The following ALK variants were observed in gnomAD, a reference collection of about 807,000 sequenced individuals.
ALK encodes the protein ALK tyrosine kinase receptor.
Under a neutral mutation model 163.1 loss-of-function variants are expected in ALK, and 74 were observed. That is an observed-to-expected ratio of 0.45 (90% CI 0.38 to 0.55). The LOEUF is 0.55. Ranked by LOEUF, ALK falls within the 20% of genes least tolerant of loss-of-function variation. The probability of loss-of-function intolerance (pLI) is 0.00; values close to 1 mark genes in which losing one functional copy is unlikely to be tolerated. For missense variants in ALK, 2,063 were observed against 2,105.3 expected, an observed-to-expected ratio of 0.98 and a Z score of 0.39; for synonymous variants, 960 against 843.2, an observed-to-expected ratio of 1.14 and a Z score of -2.40.
At chr2:29,308,620 C>T (rs1363501558) in intron 8 of ALK, among the ~76,000 whole-genome samples, 1 of 152,180 alleles carries the variant, frequency 6.6e-6, no homozygotes, top group Non-Finnish European at 1.5e-5. Context: ...GCTTTCGTAT[C>T]AGAAAGAATG....
At position 29,274,039 on chromosome 2, in the gene ALK, G is replaced by A. The variant is rs555310113; in HGVS notation, c.2041+1060C>T. ...TTAAAGGGGAAGGGAGGGATGATGC[G>A]AAAAGTAACTAACTCTTTCTCCTGG... On this transcript the variant is annotated intron_variant, in intron 11 of 28. Transcript: ENST00000389048. Among the ~76,000 whole-genome samples the A allele has an allele frequency of 7.9e-5, 12 of 152,276 alleles. No homozygotes were observed. The South Asian group carries it at 8.3e-4, about 11-fold the overall frequency.
chr2:29,340,624 A>G (rs113559675), intron 5 of ALK, among the ~76,000 whole-genome samples: 9 of 152,262 alleles, frequency 5.9e-5, no homozygotes, highest in African/African-American at 2.2e-4. Context: ...GAGTGCTTAC[A>G]ATGTTCTAGG....
At chr2:29,531,660 C>T (rs866377877) in intron 4 of ALK, among the ~76,000 whole-genome samples, 9 of 152,092 alleles carry the variant, frequency 5.9e-5, no homozygotes, top group African/African-American at 2.2e-4. Flanking sequence ...TCTTTAACAC[C>T]CACTCATGAA....
At chr2:29,729,976 A>G (rs1679689369) in intron 1 of ALK, among the ~76,000 whole-genome samples, 1 of 152,198 alleles carries the variant, frequency 6.6e-6, no homozygotes, top group Non-Finnish European at 1.5e-5. Flanking sequence ...TATCGAGGAG[A>G]AGGGAAGGAG....
At chr2:29,581,260 C>T (rs758595913) in intron 3 of ALK, among the ~76,000 whole-genome samples, 2 of 152,126 alleles carry the variant, frequency 1.3e-5, no homozygotes, top group Admixed American at 6.5e-5. Context: ...TGGTGACACG[C>T]GCCTATAGTC....
intron 4 of ALK, among the ~76,000 whole-genome samples, chr2:29,464,625 T>A (rs2148105540): frequency 6.6e-6 from 1 of 152,196 alleles, no homozygotes; most frequent in South Asian, 2.1e-4. Context: ...TAAAAGCAGA[T>A]TAGAGAGTGT....
intron 4 of ALK, among the ~76,000 whole-genome samples, chr2:29,407,891 G>A (rs1466233132): frequency 1.3e-5 from 2 of 152,048 alleles, no homozygotes; most frequent in African/African-American, 4.8e-5. Flanking sequence ...GGTGAGTGTG[G>A]AGCTGAAAAA....
At chr2:29,632,158 C>T (rs1039894080) in intron 3 of ALK, among the ~76,000 whole-genome samples, 4 of 152,158 alleles carry the variant, frequency 2.6e-5, no homozygotes, top group African/African-American at 9.7e-5. Context: ...GGCATGCCTA[C>T]GTGCTGTCTG....
intron 11 of ALK, among the ~76,000 whole-genome samples, chr2:29,251,712 G>T (rs1308525093): frequency 1.3e-5 from 2 of 152,180 alleles, no homozygotes; most frequent in Non-Finnish European, 2.9e-5. Context: ...GCAAACAACA[G>T]GTGCTCAATC....
At chr2:29,671,164 T>G (rs1034763811) in intron 3 of ALK, among the ~76,000 whole-genome samples, 20 of 152,058 alleles carry the variant, frequency 1.3e-4, no homozygotes, top group African/African-American at 4.6e-4. Flanking sequence ...CTTAGCAAAT[T>G]TTTACCTATA....
At chr2:29,577,377 C>A (rs891896953) in intron 3 of ALK, among the ~76,000 whole-genome samples, 1 of 152,188 alleles carries the variant, frequency 6.6e-6, no homozygotes, top group Non-Finnish European at 1.5e-5. Context: ...TCTGCTCAGT[C>A]ACTTCCTCCC....
chr2:29,564,291 G>T (rs1311938721), intron 3 of ALK, among the ~76,000 whole-genome samples: 1 of 152,138 alleles, frequency 6.6e-6, no homozygotes, highest in Non-Finnish European at 1.5e-5. Context: ...GGGGTGACAG[G>T]TGCTTCTTCT....
intron 4 of ALK, among the ~76,000 whole-genome samples, chr2:29,445,442 C>A (rs62131776): frequency 0.27 from 41,480 of 152,224 alleles, 7,006 homozygotes; most frequent in Non-Finnish European, 0.38. Flanking sequence ...GGGTAACGCT[C>A]TTCCAGAGCC....
At chr2:29,294,354 G>A (rs1049904448) in intron 9 of ALK, among the ~76,000 whole-genome samples, 1 of 152,162 alleles carries the variant, frequency 6.6e-6, no homozygotes, top group Non-Finnish European at 1.5e-5. Flanking sequence ...TAAGAAGCCC[G>A]CCTTTATCTA....
chr2:29,500,515 T>G (rs541843906), intron 4 of ALK, among the ~76,000 whole-genome samples: 1 of 152,312 alleles, frequency 6.6e-6, no homozygotes, highest in South Asian at 2.1e-4. Context: ...ATCTCAGAAC[T>G]AATACAATGG....
chr2:29,787,083 C>A (rs1474879851), intron 1 of ALK, among the ~76,000 whole-genome samples: 2 of 152,106 alleles, frequency 1.3e-5, no homozygotes, highest in African/African-American at 4.8e-5. Flanking sequence ...GCATGAGCCA[C>A]CATGCCCGGC....
intron 3 of ALK, among the ~76,000 whole-genome samples, chr2:29,621,506 C>T (rs575163676): frequency 6.6e-6 from 1 of 152,142 alleles, no homozygotes; most frequent in East Asian, 1.9e-4. Flanking sequence ...ATTTCACACT[C>T]CATGTAGAAG....
intron 1 of ALK, among the ~76,000 whole-genome samples, chr2:29,801,400 G>A (rs1664464370): frequency 6.6e-6 from 1 of 152,106 alleles, no homozygotes; most frequent in African/African-American, 2.4e-5. Context: ...GAAAAAAACA[G>A]ATGAGCATTC....
intron 4 of ALK, among the ~76,000 whole-genome samples, chr2:29,407,720 C>T (rs1417125203): frequency 6.6e-6 from 1 of 152,178 alleles, no homozygotes; most frequent in Admixed American, 6.5e-5. Flanking sequence ...CACCCTTTGA[C>T]CCCTGCAGCC....
Sources: allele counts gnomAD v4.1 joint callset (sites outside exome capture counted in the v4.1 genomes callset), GRCh38; gene constraint gnomAD v4.1.1; transcripts MANE v1.5; gene names NCBI Gene and HGNC (gene_info 2026-07-23, HGNC 2026-07-21).